Variants in SORCS2 observed in about 807,000 individuals in gnomAD.
The protein encoded by SORCS2 is VPS10 domain-containing receptor SorCS2.
In SORCS2, 100 loss-of-function variants were observed where a neutral mutation model predicts 141.6. The ratio of observed to expected loss-of-function variants is 0.71; its 90% CI spans 0.60 to 0.83. The LOEUF is 0.83. SORCS2 is among the 40% of genes least tolerant of loss of function. The pLI is 0.00. For missense variants in SORCS2, 1,646 were observed against 1,560.2 expected (o/e 1.05, Z -0.93); for synonymous variants, 789 against 676.9 (o/e 1.17, Z -2.57).
intron 8 of SORCS2, among the ~76,000 whole-genome samples, chr4:7,672,086 G>A (rs1722835075): frequency 6.6e-6 from 1 of 151,928 alleles, no homozygotes; most frequent in African/African-American, 2.4e-5. Flanking sequence ...TGGGATTACA[G>A]GTGCCTGCCA....
intron 3 of SORCS2, among the ~76,000 whole-genome samples, chr4:7,602,323 G>C (rs1437835562): frequency 6.6e-6 from 1 of 151,976 alleles, no homozygotes; most frequent in Non-Finnish European, 1.5e-5. Flanking sequence ...CCTGGAGGGG[G>C]CGGCTGCTGG....
intron 1 of SORCS2, among the ~76,000 whole-genome samples, chr4:7,341,155 G>A (rs1720346394): frequency 6.6e-6 from 1 of 152,278 alleles, no homozygotes; most frequent in African/African-American, 2.4e-5. Context: ...CCCGAGGTCT[G>A]CGTGCAGGAA....
intron 2 of SORCS2, among the ~76,000 whole-genome samples, chr4:7,418,331 A>G (rs1049581076): frequency 8.5e-5 from 13 of 152,180 alleles, no homozygotes; most frequent in Non-Finnish European, 1.8e-4. Context: ...AGTGCACGGG[A>G]CGGGGCAGCA....
At chr4:7,543,214 C>T (rs768449635) in intron 3 of SORCS2, among the ~76,000 whole-genome samples, 1 of 152,168 alleles carries the variant, frequency 6.6e-6, no homozygotes, top group Non-Finnish European at 1.5e-5. Context: ...AGTCCACTTG[C>T]TGCAGTTGGG....
chr4:7,428,759 G>T (rs181372105), intron 2 of SORCS2, among the ~76,000 whole-genome samples: 2 of 152,318 alleles, frequency 1.3e-5, no homozygotes, highest in East Asian at 3.9e-4. Context: ...CACCCGGCTG[G>T]TGGTGGGTTG....
intron 1 of SORCS2, among the ~76,000 whole-genome samples, chr4:7,236,522 G>T (rs906248751): frequency 6.6e-6 from 1 of 152,142 alleles, no homozygotes; most frequent in Non-Finnish European, 1.5e-5. Flanking sequence ...ATTCTCTGCC[G>T]CTGTGCTGTG....
chr4:7,467,839 G>A (rs1314212303), intron 2 of SORCS2, among the ~76,000 whole-genome samples: 2 of 152,210 alleles, frequency 1.3e-5, no homozygotes, highest in African/African-American at 4.8e-5. Flanking sequence ...AGCTTTCCTG[G>A]GTGCTTTTCT....
At chr4:7,392,293 T>A (rs141732683) in intron 1 of SORCS2, among the ~76,000 whole-genome samples, 3 of 150,802 alleles carry the variant, frequency 2.0e-5, no homozygotes, top group Admixed American at 6.6e-5. Context: ...GGACAGGGCA[T>A]GTTCCCCACC....
In SORCS2 at chr4:7,740,507, G is replaced by T; in HGVS notation, c.*243G>T. 1 of 552,312 alleles carries T rather than the reference G, an allele frequency of 1.8e-6. No individual in the cohort carries two copies. The highest frequency in any genetic ancestry group is 3.3e-6 in the Non-Finnish European group (1 of 305,328). The allele number at this position is 552,312 out of a possible 1,614,324, so 34.2% of individuals were successfully genotyped here. ...CCTATGGGACACCAGGCCTGACTCA[G>T]GCAGGTTCTGCCCCCCAGACCCCAC... On this transcript the variant is annotated 3_prime_UTR_variant, in exon 27 of 27. Coordinates refer to ENST00000507866, the MANE Select transcript of SORCS2 (RefSeq NM_020777.3).
At chr4:7,731,233 G>A (rs562117239) in intron 23 of SORCS2, among the ~76,000 whole-genome samples, 3 of 152,188 alleles carry the variant, frequency 2.0e-5, no homozygotes, top group Non-Finnish European at 2.9e-5. Flanking sequence ...AAAAACTTGT[G>A]AAAAACTTAG....
intron 8 of SORCS2, among the ~76,000 whole-genome samples, chr4:7,667,460 A>G (rs900784920): frequency 3.9e-5 from 6 of 152,068 alleles, no homozygotes; most frequent in African/African-American, 1.4e-4. Context: ...TGCCTGGTTC[A>G]TCTTTCCCCG....
intron 1 of SORCS2, among the ~76,000 whole-genome samples, chr4:7,245,651 A>G (rs893600800): frequency 3.3e-5 from 5 of 152,138 alleles, no homozygotes; most frequent in East Asian, 1.9e-4. Context: ...AGCCATTGCT[A>G]TTGGTGGTGG....
chr4:7,300,326 G>GA (rs1717352508), intron 1 of SORCS2, among the ~76,000 whole-genome samples: 1 of 151,902 alleles, frequency 6.6e-6, no homozygotes, highest in South Asian at 2.1e-4. Flanking sequence ...AGGGTGGGGG[G>GA]TACTTTTCTG....
intron 3 of SORCS2, among the ~76,000 whole-genome samples, chr4:7,587,479 A>T (rs986077106): frequency 6.6e-6 from 1 of 152,248 alleles, no homozygotes; most frequent in African/African-American, 2.4e-5. Flanking sequence ...GCATTCTGCC[A>T]GGAGACTGTC....
At chr4:7,307,312 G>C (rs1717897684) in intron 1 of SORCS2, among the ~76,000 whole-genome samples, 1 of 152,206 alleles carries the variant, frequency 6.6e-6, no homozygotes, top group Admixed American at 6.5e-5. Flanking sequence ...CTTCACTTCT[G>C]AGCCACCTGG....
chr4:7,433,310 A>C, intron 2 of SORCS2: 2 of 1,374,410 alleles, frequency 1.5e-6, no homozygotes, highest in Non-Finnish European at 1.9e-6. Flanking sequence ...TCTGGCAGCC[A>C]CGGTCACGCG....
At chr4:7,377,728 A>C (rs1173672024) in intron 1 of SORCS2, among the ~76,000 whole-genome samples, 2 of 152,216 alleles carry the variant, frequency 1.3e-5, no homozygotes, top group African/African-American at 2.4e-5. Flanking sequence ...TAGCTCAATC[A>C]GCTCAGGAAG....
chr4:7,650,308 C>T (rs574969587), intron 4 of SORCS2, among the ~76,000 whole-genome samples: 16 of 152,258 alleles, frequency 1.1e-4, no homozygotes, highest in South Asian at 6.2e-4. Context: ...GGCTGGTGCT[C>T]GCACCTGGAG....
chr4:7,477,362 CT>C (rs1730363637), intron 2 of SORCS2, among the ~76,000 whole-genome samples: 2 of 134,846 alleles, frequency 1.5e-5, no homozygotes, highest in Non-Finnish European at 3.4e-5. Context: ...CTGACTGGGG[CT>C]GACCGTGGCT....
Sources: gnomAD v4.1 joint callset for allele counts (sites outside exome capture counted in the v4.1 genomes callset) on GRCh38, gnomAD v4.1.1 for gene constraint, MANE v1.5 for transcripts, NCBI Gene and HGNC (gene_info 2026-07-23, HGNC 2026-07-21) for gene names.